Variants in STARD13 observed in about 807,000 individuals in gnomAD.
STARD13 encodes stAR-related lipid transfer protein 13.
In STARD13, 62 loss-of-function variants were observed where a neutral mutation model predicts 106.4. The observed-to-expected ratio is 0.58, with a 90% CI of 0.48 to 0.72. STARD13 has a LOEUF of 0.72. Among genes scored for constraint, STARD13 ranks in the 30% least tolerant of loss-of-function variants. The pLI, the probability that STARD13 is intolerant of heterozygous loss-of-function variation, is 0.00. For missense variants in STARD13, 1,387 were observed against 1,424.0 expected, an observed-to-expected ratio of 0.97 and a Z score of 0.42; for synonymous variants, 565 against 553.0, an observed-to-expected ratio of 1.02 and a Z score of -0.31.
chr13:33,573,594 T>C, the STARD13 span, among the ~76,000 whole-genome samples: 1 of 152,234 alleles, frequency 6.6e-6, no homozygotes, highest in Admixed American at 6.5e-5. Context: ...TCTGAAACAA[T>C]CAGACTATAT....
At chr13:33,319,654 C>T (rs775334530) in intron 1 of STARD13, among the ~76,000 whole-genome samples, 4 of 152,192 alleles carry the variant, frequency 2.6e-5, no homozygotes, top group Non-Finnish European at 5.9e-5. Context: ...AGACCTGCCA[C>T]ATCCCTGTTA....
intron 1 of STARD13, chr13:33,206,017 A>C: frequency 1.0e-6 from 1 of 985,378 alleles, no homozygotes. Flanking sequence ...ACTGGTCCAC[A>C]TCATTCTAGC....
the STARD13 span, among the ~76,000 whole-genome samples, chr13:33,614,631 A>C: frequency 6.6e-6 from 1 of 152,214 alleles, no homozygotes; most frequent in Non-Finnish European, 1.5e-5. Flanking sequence ...AAAAAAACAA[A>C]ACAAAACAGG....
the STARD13 span, among the ~76,000 whole-genome samples, chr13:33,622,614 C>CAA: frequency 0.045 from 1,267 of 27,938 alleles, 151 homozygotes; most frequent in Middle Eastern, 0.12. Flanking sequence ...GACTCCGTCT[C>CAA]AAAAAAAAAA....
At chr13:33,418,752 A>G in the STARD13 span, among the ~76,000 whole-genome samples, 2 of 152,332 alleles carry the variant, frequency 1.3e-5, no homozygotes, top group African/African-American at 4.8e-5. Flanking sequence ...AGGAAGGATA[A>G]GCCTGCAATA....
At chr13:33,155,746 C>T (rs1881873431) in intron 3 of STARD13, 1 of 152,146 alleles carries the variant, frequency 6.6e-6, no homozygotes, top group Non-Finnish European at 1.5e-5. Flanking sequence ...TCAAGCCTGT[C>T]CCCAAACTCT....
At chr13:33,379,255 A>G in the STARD13 span, among the ~76,000 whole-genome samples, 6 of 152,220 alleles carry the variant, frequency 3.9e-5, no homozygotes, top group Non-Finnish European at 7.3e-5. Flanking sequence ...AAGATATCCT[A>G]TCATATGTTT....
the STARD13 span, among the ~76,000 whole-genome samples, chr13:33,616,856 T>C: frequency 6.6e-6 from 1 of 152,214 alleles, no homozygotes; most frequent in African/African-American, 2.4e-5. Context: ...CACATGGGTC[T>C]GGGAGAAAGG....
intron 4 of STARD13, among the ~76,000 whole-genome samples, chr13:33,132,117 A>G (rs780154053): frequency 3.3e-5 from 5 of 152,196 alleles, no homozygotes; most frequent in Non-Finnish European, 4.4e-5. Context: ...GGTTTGACTA[A>G]ATGACAAACT....
At chr13:33,607,738 T>C in the STARD13 span, among the ~76,000 whole-genome samples, 1 of 152,096 alleles carries the variant, frequency 6.6e-6, no homozygotes, top group African/African-American at 2.4e-5. Flanking sequence ...TTAGAACAAA[T>C]AAAAAATGTT....
At chr13:33,121,567 CAAAA>C (rs1240533382) in intron 7 of STARD13, among the ~76,000 whole-genome samples, 1 of 65,224 alleles carries the variant, frequency 1.5e-5, no homozygotes, top group African/African-American at 5.2e-5. Flanking sequence ...GACTCCACCT[CAAAA>C]AAAAAAAAAA....
chr13:33,226,850 C>A (rs115093230), intron 1 of STARD13, among the ~76,000 whole-genome samples: 2,757 of 152,292 alleles, frequency 0.018, 86 homozygotes, highest in African/African-American at 0.064. Flanking sequence ...AGTCTATTAA[C>A]TTGACTCATA....
At chr13:33,229,161 A>G (rs1247535161) in intron 1 of STARD13, among the ~76,000 whole-genome samples, 2 of 152,214 alleles carry the variant, frequency 1.3e-5, no homozygotes, top group Non-Finnish European at 2.9e-5. Flanking sequence ...TCTAAAAGGC[A>G]TGCAACCAAC....
the STARD13 span, among the ~76,000 whole-genome samples, chr13:33,672,010 T>C: frequency 1.3e-5 from 2 of 152,172 alleles, no homozygotes; most frequent in Non-Finnish European, 2.9e-5. Flanking sequence ...AGCAATCCCA[T>C]TACTGGGTAT....
At chr13:33,204,063 C>T (rs1367837826) in intron 1 of STARD13, among the ~76,000 whole-genome samples, 1 of 152,228 alleles carries the variant, frequency 6.6e-6, no homozygotes, top group African/African-American at 2.4e-5. Context: ...AAATCCAAGG[C>T]TTCTGACTGT....
chr13:33,572,412 C>G, the STARD13 span, among the ~76,000 whole-genome samples: 1 of 152,140 alleles, frequency 6.6e-6, no homozygotes, highest in African/African-American at 2.4e-5. Flanking sequence ...ACCTCACTTT[C>G]ATTTTCTGTA....
chr13:33,640,172 C>T, the STARD13 span, among the ~76,000 whole-genome samples: 6 of 151,956 alleles, frequency 3.9e-5, no homozygotes, highest in African/African-American at 9.7e-5. Context: ...GTGTCTTAGG[C>T]ACCATTTCTC....
At chr13:33,392,922 TGTA>T in the STARD13 span, among the ~76,000 whole-genome samples, 6 of 152,176 alleles carry the variant, frequency 3.9e-5, no homozygotes, top group Non-Finnish European at 2.9e-5. Context: ...GTAAACAAAA[TGTA>T]GAATTGCGCT....
the STARD13 span, among the ~76,000 whole-genome samples, chr13:33,371,502 G>T: frequency 1.3e-5 from 2 of 152,090 alleles, no homozygotes; most frequent in African/African-American, 4.8e-5. Context: ...TTTGCACAGG[G>T]TTTCTCTAAT....
Sources: allele counts gnomAD v4.1 joint callset (sites outside exome capture counted in the v4.1 genomes callset), GRCh38; gene constraint gnomAD v4.1.1; transcripts MANE v1.5; gene names NCBI Gene and HGNC (gene_info 2026-07-23, HGNC 2026-07-21).